Variants in VPS13A observed in about 807,000 individuals in gnomAD.
The protein encoded by VPS13A is intermembrane lipid transfer protein VPS13A.
In VPS13A, 264 loss-of-function variants were observed where a neutral mutation model predicts 390.9. That is an observed-to-expected ratio of 0.68 (90% CI 0.61 to 0.75). VPS13A has a LOEUF of 0.75. Ranked by LOEUF, VPS13A falls within the 30% of genes least tolerant of loss-of-function variation. VPS13A has a pLI of 0.00. For missense variants in VPS13A, 3,409 were observed against 3,733.9 expected (o/e 0.91, Z 2.27); for synonymous variants, 1,231 against 1,227.1 (o/e 1.00, Z -0.07).
intron 3 of VPS13A, 85 bp from the exon 4 acceptor site, chr9:77,205,228 T>A (rs1458007465): frequency 1.5e-6 from 1 of 689,586 alleles, no homozygotes; most frequent in Non-Finnish European, 2.3e-6. Flanking sequence ...ATCTCTTCAA[T>A]GCCTGACAGA....
chr9:77,263,343 G>A (rs1486486406), intron 23 of VPS13A, among the ~76,000 whole-genome samples: 3 of 151,902 alleles, frequency 2.0e-5, no homozygotes, highest in African/African-American at 4.8e-5. Context: ...TCCTGACCTC[G>A]TGATCTGCCT....
rs987322563 is a variant in VPS13A, at chr9:77,417,885, C to T, written c.*1879C>T. 4.6e-5 allele frequency: 7 copies of T among 152,102 alleles called. No homozygotes were observed. Among genetic ancestry groups the T allele is most frequent in the Admixed American group, 6.6e-5 (1 of 15,256 alleles). 9.4% of individuals were successfully genotyped at this position (152,102 alleles called of 1,614,324 possible). A position where few individuals can be genotyped will look rare whatever the true frequency, so the allele number is the denominator to read the frequency against. ...TTTCCTGTTCCCTTGCCATAAGAAC[C>T]GTGAAATCTCTCCTTTCCCTGCCAC... is the stretch of plus-strand genomic sequence containing the variant. On this transcript the variant is annotated 3_prime_UTR_variant, in exon 72 of 72. Transcript: ENST00000360280.
intron 33 of VPS13A, 91 bp downstream of exon 33, chr9:77,295,937 G>GATTTT: frequency 2.3e-6 from 3 of 1,308,494 alleles, no homozygotes; most frequent in Non-Finnish European, 3.2e-6. Context: ...TTTACAGTGA[G>GATTTT]ATTTTATTTT....
At chr9:77,242,087 C>T (rs924565007) in intron 19 of VPS13A, among the ~76,000 whole-genome samples, 4 of 152,128 alleles carry the variant, frequency 2.6e-5, no homozygotes, top group Non-Finnish European at 5.9e-5. Flanking sequence ...TTTTAAAATT[C>T]TGGTTTTGTT....
chr9:77,297,956 G>T (rs1828113183), intron 33 of VPS13A, among the ~76,000 whole-genome samples: 1 of 152,186 alleles, frequency 6.6e-6, no homozygotes, highest in Non-Finnish European at 1.5e-5. Context: ...AGGGAGTGAA[G>T]TAGTGGAGAG....
intron 31 of VPS13A, among the ~76,000 whole-genome samples, chr9:77,290,608 G>A (rs911818841): frequency 6.6e-6 from 1 of 151,604 alleles, no homozygotes; most frequent in Non-Finnish European, 1.5e-5. Flanking sequence ...GCCTTTGGAT[G>A]TTCTGTTCAA....
chr9:77,221,972 T>C (rs1158554532), intron 13 of VPS13A, among the ~76,000 whole-genome samples: 1 of 152,186 alleles, frequency 6.6e-6, no homozygotes, highest in Non-Finnish European at 1.5e-5. Context: ...TTTAATTATC[T>C]ATCTTGAGAT....
rs11415950 is a variant in VPS13A, at chr9:77,387,137, C to CAA, written c.9189+5059_9189+5060dup. 3.8e-4 allele frequency among the ~76,000 whole-genome samples: 56 copies of CAA among 147,076 alleles called. No individual in the cohort carries two copies. In the South Asian group the frequency reaches 4.5e-3, roughly 12 times the overall value. Reference sequence around the variant, plus strand: ...AACTTGAATTTTTCTCTAGTAAAAGCAAAAAAAAAAGACAGAATTGCTCTT... The same window carrying CAA: ...AACTTGAATTTTTCTCTAGTAAAAGCAAAAAAAAAAAAGACAGAATTGCTCTT... On this transcript the variant is annotated intron_variant, in intron 68 of 71. Transcript: ENST00000360280.
rs1455201607 is a variant in VPS13A at position 77,407,750 on chromosome 9, A to G, written c.9474+143A>G. The G allele has an allele frequency of 5.9e-6, 4 of 683,752 alleles. No individual in the cohort carries two copies. In the East Asian group the frequency reaches 8.4e-5, roughly 14 times the overall value. The allele number at this position is 683,752 out of a possible 1,614,324, so 42.4% of individuals were successfully genotyped here. A position where few individuals can be genotyped will look rare whatever the true frequency, so the allele number is the denominator to read the frequency against. ...TTGTGTTTTGGCAGGTTTTAAAAGT[A>G]TATGTAACCAGATAATATTTACCCC... On this transcript the variant is annotated intron_variant, in intron 71 of 71. Transcript: ENST00000360280.
intron 24 of VPS13A, among the ~76,000 whole-genome samples, chr9:77,274,386 C>A (rs1421450332): frequency 6.7e-6 from 1 of 149,778 alleles, no homozygotes; most frequent in African/African-American, 2.5e-5. Flanking sequence ...AGAGATCGTG[C>A]CACTGTGCTC....
chr9:77,213,426 A>G (rs1564634861), intron 9 of VPS13A, 112 bp downstream of exon 9: 7 of 832,318 alleles, frequency 8.4e-6, no homozygotes, highest in Admixed American at 4.1e-5. Context: ...GGCACAATCT[A>G]TTAGCAGAAT....
chr9:77,231,952 C>A (rs1383807329), intron 17 of VPS13A, among the ~76,000 whole-genome samples: 1 of 152,166 alleles, frequency 6.6e-6, no homozygotes, highest in East Asian at 1.9e-4. Flanking sequence ...TGGTACAGCT[C>A]ATTTCATTTG....
intron 23 of VPS13A, among the ~76,000 whole-genome samples, chr9:77,261,192 C>T (rs771500635): frequency 5.9e-5 from 9 of 152,220 alleles, no homozygotes; most frequent in Non-Finnish European, 1.0e-4. Flanking sequence ...AACCACCGTG[C>T]CCGGCCTGTA....
intron 68 of VPS13A, chr9:77,382,717 A>G (rs1335463256): frequency 2.0e-6 from 2 of 988,008 alleles, no homozygotes; most frequent in Non-Finnish European, 2.4e-6. Context: ...TTAAATGGCC[A>G]TGACCCTCTT....
chr9:77,344,708 G>A lies in VPS13A; in HGVS notation c.7156-301G>A, dbSNP rs143000072. Among the ~76,000 whole-genome samples the A allele has an allele frequency of 5.8e-3, 877 of 151,568 alleles. 11 individuals carry two copies. The highest frequency in any genetic ancestry group is 0.02 in the African/African-American group (846 of 41,284). On this transcript the variant is annotated intron_variant, in intron 51 of 71. Transcript: ENST00000360280. ...CGGGAGGTGGAGCTTGCAGTGAGCC[G>A]AGATCGCGCCACTGCACTCCAGCCT...
chr9:77,362,893 T>C (rs1422139853), intron 59 of VPS13A, among the ~76,000 whole-genome samples: 1 of 152,204 alleles, frequency 6.6e-6, no homozygotes, highest in Non-Finnish European at 1.5e-5. Flanking sequence ...AAATTGATTT[T>C]TTAATTCCAT....
At chr9:77,315,108 C>G (rs1829310934) in intron 37 of VPS13A, 145 bp from the exon 38 acceptor site, 1 of 690,494 alleles carries the variant, frequency 1.4e-6, no homozygotes, top group Non-Finnish European at 2.4e-6. Flanking sequence ...TTATTTGGAA[C>G]ACTTTATGGA....
At chr9:77,300,086 TA>T (rs891776554) in intron 33 of VPS13A, among the ~76,000 whole-genome samples, 8 of 152,134 alleles carry the variant, frequency 5.3e-5, no homozygotes, top group South Asian at 2.1e-4. Context: ...AGAACTAGTA[TA>T]AAAAAAATTA....
intron 51 of VPS13A, 107 bp downstream of exon 51, chr9:77,344,388 CCT>C (rs2131520929): frequency 8.0e-7 from 1 of 1,246,468 alleles, no homozygotes; most frequent in South Asian, 1.3e-5. Flanking sequence ...TGATTTTTCC[CCT>C]TTCCCCAAAA....
Sources: gnomAD v4.1 joint callset for allele counts (sites outside exome capture counted in the v4.1 genomes callset) on GRCh38, gnomAD v4.1.1 for gene constraint, MANE v1.5 for transcripts, NCBI Gene and HGNC (gene_info 2026-07-23, HGNC 2026-07-21) for gene names.